Variants in ASAP2 observed in about 807,000 individuals in gnomAD.
The protein encoded by ASAP2 is ArfGAP with SH3 domain, ankyrin repeat and PH domain 2.
In ASAP2, 45 loss-of-function variants were observed where a neutral mutation model predicts 131.4. The ratio of observed to expected loss-of-function variants is 0.34; its 90% CI spans 0.27 to 0.44. ASAP2 has a LOEUF of 0.44. Ranked by LOEUF, ASAP2 falls within the 20% of genes least tolerant of loss-of-function variation. The probability of loss-of-function intolerance (pLI) is 1.00; values close to 1 mark genes in which losing one functional copy is unlikely to be tolerated. For synonymous variants in ASAP2, 510 were observed against 503.0 expected (o/e 1.01, Z -0.19); for missense variants, 1,011 against 1,297.0 (o/e 0.78, Z 3.39).
At chr2:9,400,277 CTT>C (rs1477679453) in intron 25 of ASAP2, among the ~76,000 whole-genome samples, 174 of 101,322 alleles carry the variant, frequency 1.7e-3, no homozygotes, top group Non-Finnish European at 2.7e-3. Context: ...CCTCTCCTTC[CTT>C]CCCTCCTTCC....
At chr2:9,366,761 A>G (rs2001296) in intron 15 of ASAP2, among the ~76,000 whole-genome samples, 13,335 of 152,192 alleles carry the variant, frequency 0.088, 602 homozygotes, top group Non-Finnish European at 0.1. Flanking sequence ...CCACGTGTCA[A>G]GGGCCGGGTT....
At chr2:9,399,794 A>T (rs1408065171) in intron 24 of ASAP2, 1 of 569,596 alleles carries the variant, frequency 1.8e-6, no homozygotes, top group African/African-American at 1.9e-5. Flanking sequence ...ACGTGGACAG[A>T]GTGCTCTGGA....
intron 12 of ASAP2, among the ~76,000 whole-genome samples, chr2:9,353,666 A>G (rs1312629484): frequency 6.6e-6 from 1 of 152,202 alleles, no homozygotes; most frequent in East Asian, 1.9e-4. Flanking sequence ...ATGGTCACCC[A>G]TTCCTCCTCT....
chr2:9,285,257 G>T (rs570743376), intron 2 of ASAP2, among the ~76,000 whole-genome samples: 3 of 152,284 alleles, frequency 2.0e-5, no homozygotes, highest in African/African-American at 7.2e-5. Flanking sequence ...TTCTGGTTCA[G>T]CAGGTCAGGG....
At chr2:9,308,477 ACCC>A (rs1669092545) in intron 3 of ASAP2, among the ~76,000 whole-genome samples, 1 of 152,092 alleles carries the variant, frequency 6.6e-6, no homozygotes, top group Admixed American at 6.5e-5. Flanking sequence ...GGGGACACAG[ACCC>A]AAACCACATC....
intron 9 of ASAP2, among the ~76,000 whole-genome samples, chr2:9,340,596 TGGG>T (rs1005542864): frequency 3.3e-5 from 5 of 152,330 alleles, no homozygotes; most frequent in Admixed American, 3.3e-4. Flanking sequence ...CTTCAGAAGA[TGGG>T]GGAATGAATT....
At chr2:9,277,171 G>A (rs1418039888) in intron 1 of ASAP2, among the ~76,000 whole-genome samples, 1 of 152,182 alleles carries the variant, frequency 6.6e-6, no homozygotes, top group African/African-American at 2.4e-5. Flanking sequence ...GGAGCACCGT[G>A]AACTGGCACC....
intron 6 of ASAP2, among the ~76,000 whole-genome samples, chr2:9,326,359 G>T (rs1358647551): frequency 6.6e-6 from 1 of 152,220 alleles, no homozygotes; most frequent in Non-Finnish European, 1.5e-5. Context: ...ATCCAGAAGA[G>T]TGGCTTTCAG....
At chr2:9,365,976 C>T (rs1673446011) in intron 15 of ASAP2, among the ~76,000 whole-genome samples, 1 of 152,132 alleles carries the variant, frequency 6.6e-6, no homozygotes, top group South Asian at 2.1e-4. Context: ...TGCCTCAGTG[C>T]AGCCCACAAA....
chr2:9,336,449 A>G (rs1261861967), intron 9 of ASAP2, among the ~76,000 whole-genome samples: 2 of 152,138 alleles, frequency 1.3e-5, no homozygotes, highest in Non-Finnish European at 2.9e-5. Context: ...ATCACAGCCT[A>G]TTCCTCTTTT....
At chr2:9,257,543 AG>A (rs1480019521) in intron 1 of ASAP2, among the ~76,000 whole-genome samples, 1 of 152,164 alleles carries the variant, frequency 6.6e-6, no homozygotes, top group East Asian at 1.9e-4. Flanking sequence ...TTTTGAGACA[AG>A]GTTTCTCTCT....
intron 18 of ASAP2, 141 bp from the exon 19 acceptor site, chr2:9,378,803 C>T (rs1558384587): frequency 2.0e-6 from 1 of 498,818 alleles, no homozygotes; most frequent in Non-Finnish European, 3.3e-6. Flanking sequence ...GTCCCACCAC[C>T]TTGGCGATGA....
chr2:9,348,138 G>T (rs112284449), intron 11 of ASAP2, among the ~76,000 whole-genome samples: 1 of 150,726 alleles, frequency 6.6e-6, no homozygotes, highest in Non-Finnish European at 1.5e-5. Flanking sequence ...TTGTTTGTTT[G>T]TTTTTTTCTT....
Position 9,374,865 on chromosome 2 carries a change from C to T in ASAP2, c.1667C>T (p.Thr556Met), listed in dbSNP as rs752933805. The T allele has an allele frequency of 2.0e-5, 33 of 1,613,630 alleles. No homozygotes were observed. Among genetic ancestry groups the T allele is most frequent in the African/African-American group, 1.2e-4 (9 of 74,752 alleles). Residue 556 changes from threonine to methionine, a missense_variant, in exon 17 of 28, where the codon ACG (threonine) becomes ATG (methionine). Physicochemically the swap from Thr to Met is moderately conservative, Grantham distance 81. This residue lies in a region of ASAP2 where 652 missense variants were observed against 698.9 expected (regional missense o/e 0.93). Transcript: ENST00000281419. ...CACAGTCTTTGCGAGGCCGTCAAAA[C>T]GAGAGATATTTTTGGATTGCTCCAA... is the stretch of plus-strand genomic sequence containing the variant. Reference protein sequence around the residue: ...KLHSLCEAVKTRDIFGLLQAY... With the variant: ...KLHSLCEAVKMRDIFGLLQAY...
At chr2:9,231,445 G>T (rs1663155207) in intron 1 of ASAP2, among the ~76,000 whole-genome samples, 1 of 152,212 alleles carries the variant, frequency 6.6e-6, no homozygotes, top group Non-Finnish European at 1.5e-5. Context: ...ACTTGGGTTT[G>T]CGTCATGACT....
intron 20 of ASAP2, 144 bp from the exon 21 acceptor site, chr2:9,385,101 G>C (rs1416032928): frequency 1.6e-6 from 1 of 621,080 alleles, no homozygotes; most frequent in Non-Finnish European, 2.9e-6. Context: ...TAGGCAGAGG[G>C]GCGGGGGCTT....
At chr2:9,216,888 C>T (rs114855313) in intron 1 of ASAP2, among the ~76,000 whole-genome samples, 5,574 of 152,236 alleles carry the variant, frequency 0.037, 324 homozygotes, top group African/African-American at 0.12. Flanking sequence ...CGTGAACCAC[C>T]GTGCCCAGCC....
chr2:9,239,106 G>T (rs1180086494), intron 1 of ASAP2, among the ~76,000 whole-genome samples: 1 of 152,170 alleles, frequency 6.6e-6, no homozygotes, highest in Non-Finnish European at 1.5e-5. Context: ...TAGTTTGCTG[G>T]TTTTTTTGTC....
intron 7 of ASAP2, among the ~76,000 whole-genome samples, chr2:9,330,900 G>A (rs766729617): frequency 5.9e-5 from 9 of 152,296 alleles, no homozygotes; most frequent in Admixed American, 3.3e-4. Flanking sequence ...CCATTACTTC[G>A]TTTTTGGATA....
Sources: allele counts gnomAD v4.1 joint callset (sites outside exome capture counted in the v4.1 genomes callset), GRCh38; gene constraint gnomAD v4.1.1; regional missense constraint gnomAD v4.1.1; transcripts MANE v1.5; gene names NCBI Gene and HGNC (gene_info 2026-07-23, HGNC 2026-07-21).